GABRB3: variants seen among roughly 807,000 people sequenced by gnomAD.
The protein encoded by GABRB3 is gamma-aminobutyric acid receptor subunit beta-3.
Under a neutral mutation model 52.1 loss-of-function variants are expected in GABRB3, and 14 were observed. That is an observed-to-expected ratio of 0.27 (90% CI 0.18 to 0.42). The LOEUF (loss-of-function observed/expected upper bound fraction) is 0.42. GABRB3 is among the 10% of genes least tolerant of loss of function. GABRB3 has a pLI of 1.00. For missense variants in GABRB3, 307 were observed against 609.1 expected, an observed-to-expected ratio of 0.50 and a Z score of 5.22; for synonymous variants, 260 against 232.3, an observed-to-expected ratio of 1.12 and a Z score of -1.08.
At chr15:26,604,711 G>A (rs555094793) in intron 4 of GABRB3, among the ~76,000 whole-genome samples, 29 of 149,098 alleles carry the variant, frequency 1.9e-4, no homozygotes, top group East Asian at 8.8e-4. Context: ...CTGGATAACC[G>A]GATGCAGAAG....
intron 3 of GABRB3, among the ~76,000 whole-genome samples, chr15:26,696,354 G>T (rs1284941798): frequency 1.3e-5 from 2 of 151,606 alleles, no homozygotes; most frequent in African/African-American, 4.9e-5. Context: ...TTTAAGATAG[G>T]TACTACTGCT....
chr15:26,605,529 T>C (rs1194716792), intron 4 of GABRB3, among the ~76,000 whole-genome samples: 1 of 152,114 alleles, frequency 6.6e-6, no homozygotes, highest in Non-Finnish European at 1.5e-5. Flanking sequence ...CATCAACAGA[T>C]GAATGGATAA....
intron 4 of GABRB3, among the ~76,000 whole-genome samples, chr15:26,586,103 A>G (rs1438249007): frequency 6.6e-6 from 1 of 152,016 alleles, no homozygotes; most frequent in African/African-American, 2.4e-5. Flanking sequence ...GGTTCACACC[A>G]TTCTCCTGCC....
rs1889293267 is a variant in GABRB3 at position 26,547,379 on chromosome 15, T to C, written c.*414A>G. 2.4e-6 allele frequency: 1 copy of C among 416,284 alleles called. No homozygotes were observed. Among genetic ancestry groups the C allele is most frequent in the South Asian group, 1.0e-4 (1 of 9,792 alleles). The allele number at this position is 416,284 out of a possible 1,614,324, so 25.8% of individuals were successfully genotyped here. A position where few individuals can be genotyped will look rare whatever the true frequency, so the allele number is the denominator to read the frequency against. The stretch of plus-strand genomic sequence containing the variant: ...TTTTTAAACTAAAACATCTAACTTA[T>C]GATAATACAAGACACATTTGGGGAT... On this transcript the variant is annotated 3_prime_UTR_variant, in exon 9 of 9. Transcript: ENST00000311550.
At chr15:26,565,490 T>C (rs138237334) in intron 7 of GABRB3, among the ~76,000 whole-genome samples, 3 of 152,296 alleles carry the variant, frequency 2.0e-5, no homozygotes, top group African/African-American at 4.8e-5. Flanking sequence ...TCCTCCAATG[T>C]TGAAGCCTCA....
intron 3 of GABRB3, among the ~76,000 whole-genome samples, chr15:26,763,569 GGTTTT>G (rs1002356796): frequency 7.0e-6 from 1 of 142,594 alleles, no homozygotes; most frequent in African/African-American, 2.6e-5. Flanking sequence ...TATCCGAATT[GGTTTT>G]GTTCTTTCAC....
chr15:26,740,377 G>A (rs1383741093), intron 3 of GABRB3, among the ~76,000 whole-genome samples: 1 of 152,070 alleles, frequency 6.6e-6, no homozygotes, highest in Non-Finnish European at 1.5e-5. Flanking sequence ...TTCACTATGA[G>A]GGGGAAGACA....
chr15:26,557,413 C>T (rs145991804), intron 8 of GABRB3, among the ~76,000 whole-genome samples: 1 of 152,140 alleles, frequency 6.6e-6, no homozygotes, highest in East Asian at 1.9e-4. Context: ...GCACATGTAC[C>T]CTTGAAGCTA....
At chr15:26,686,484 A>C (rs985571707) in intron 3 of GABRB3, among the ~76,000 whole-genome samples, 2 of 152,372 alleles carry the variant, frequency 1.3e-5, no homozygotes, top group African/African-American at 4.8e-5. Flanking sequence ...ATCCATTACT[A>C]TACACAAAGC....
rs149520251 is a variant in GABRB3, at chr15:26,745,276, G to A, written c.240+27126C>T. On this transcript the variant is annotated intron_variant, in intron 3 of 8. Transcript: ENST00000311550. The stretch of plus-strand genomic sequence containing the variant: ...ACATATATTCAAACTATTTCAATAG[G>A]TTTTCAGAAAGTTTAACATTTTTTT... 2.0e-5 allele frequency among the ~76,000 whole-genome samples: 3 copies of A among 152,182 alleles called. No individual in the cohort carries two copies. In the East Asian group the frequency reaches 5.8e-4, roughly 29 times the overall value.
intron 3 of GABRB3, among the ~76,000 whole-genome samples, chr15:26,748,300 T>C (rs1890406400): frequency 6.6e-6 from 1 of 152,178 alleles, no homozygotes; most frequent in African/African-American, 2.4e-5. Flanking sequence ...GTAATAATTC[T>C]TCTTTAAATG....
intron 4 of GABRB3, among the ~76,000 whole-genome samples, chr15:26,604,216 G>C (rs891139726): frequency 6.6e-6 from 1 of 152,018 alleles, no homozygotes; most frequent in African/African-American, 2.4e-5. Context: ...TCAAAGAAAT[G>C]AAAGATCTCT....
intron 3 of GABRB3, among the ~76,000 whole-genome samples, chr15:26,756,220 A>G (rs901177936): frequency 2.6e-5 from 4 of 152,076 alleles, no homozygotes; most frequent in African/African-American, 9.7e-5. Flanking sequence ...ATGAGTATCA[A>G]ATTTCCTAAA....
rs147112423 is a variant in GABRB3, at chr15:26,611,160, A to G, written c.461+10154T>C. 6.5e-3 allele frequency among the ~76,000 whole-genome samples: 987 copies of G among 152,274 alleles called. 13 individuals carry two copies. Among genetic ancestry groups the G allele is most frequent in the African/African-American group, 0.022 (934 of 41,546 alleles). On this transcript the variant is annotated intron_variant, in intron 4 of 8. Transcript: ENST00000311550. ...GAAATGATAACTAGTTTTGTATAAT[A>G]TCTCAGTTCTCAGAATTAATCTAGA...
chr15:26,590,869 C>T (rs1269095236), intron 4 of GABRB3, among the ~76,000 whole-genome samples: 11 of 152,178 alleles, frequency 7.2e-5, no homozygotes, highest in Admixed American at 1.3e-4. Context: ...CCTGAATGTG[C>T]GCCAACTTTG....
chr15:26,769,788 G>C (rs781768688), intron 3 of GABRB3, among the ~76,000 whole-genome samples: 1 of 152,118 alleles, frequency 6.6e-6, no homozygotes, highest in Non-Finnish European at 1.5e-5. Flanking sequence ...TCTGTTCTGT[G>C]TGCCTCTGTC....
At chr15:26,652,427 T>G (rs180736056) in intron 3 of GABRB3, among the ~76,000 whole-genome samples, 1 of 152,338 alleles carries the variant, frequency 6.6e-6, no homozygotes, top group East Asian at 1.9e-4. Context: ...GAATTTGGTT[T>G]TCTTATAATC....
At position 26,691,674 on chromosome 15, in the gene GABRB3, C is replaced by T. The variant is rs536790172; in HGVS notation, c.241-70140G>A. On this transcript the variant is annotated intron_variant, in intron 3 of 8. Transcript: ENST00000311550. ...AAGAAATAAGGTTACTTATCTGTTC[C>T]TTCCCTGGGGGTTCTTCTATACTTA... Among the ~76,000 whole-genome samples, 5 of 152,324 alleles carry T rather than the reference C, an allele frequency of 3.3e-5. No individual in the cohort carries two copies. The East Asian group carries it at 7.7e-4, about 24-fold the overall frequency.
At chr15:26,736,023 G>T (rs1005896295) in intron 3 of GABRB3, among the ~76,000 whole-genome samples, 2 of 151,288 alleles carry the variant, frequency 1.3e-5, no homozygotes, top group African/African-American at 4.9e-5. Context: ...TGAGATCCTA[G>T]ACAGTAAAAA....
Sources: allele counts gnomAD v4.1 joint callset (sites outside exome capture counted in the v4.1 genomes callset), GRCh38; gene constraint gnomAD v4.1.1; transcripts MANE v1.5; gene names NCBI Gene and HGNC (gene_info 2026-07-23, HGNC 2026-07-21).